Variants in USH2A observed in about 807,000 individuals in gnomAD.
The protein encoded by USH2A is usherin.
In USH2A, 443 loss-of-function variants were observed where a neutral mutation model predicts 538.9. The ratio of observed to expected loss-of-function variants is 0.82; its 90% CI spans 0.76 to 0.89. The LOEUF (loss-of-function observed/expected upper bound fraction) is 0.89. Among genes scored for constraint, USH2A ranks in the 40% least tolerant of loss-of-function variants. USH2A has a pLI of 0.00. For synonymous variants in USH2A, 2,413 were observed against 2,273.5 expected, an observed-to-expected ratio of 1.06 and a Z score of -1.75; for missense variants, 6,633 against 6,324.8, an observed-to-expected ratio of 1.05 and a Z score of -1.65.
chr1:216,198,237 A>G (rs1438679405), intron 18 of USH2A, 78 bp downstream of exon 18: 1 of 1,601,738 alleles, frequency 6.2e-7, no homozygotes, highest in Non-Finnish European at 8.5e-7. Flanking sequence ...ATGTACTTTC[A>G]CAGTACTTTG....
intron 61 of USH2A, among the ~76,000 whole-genome samples, chr1:215,715,774 G>T (rs1487095049): frequency 6.6e-6 from 1 of 152,130 alleles, no homozygotes; most frequent in Non-Finnish European, 1.5e-5. Context: ...TTAAAACAAT[G>T]TCCTTCATGT....
chr1:215,779,982 G>T lies in USH2A; in HGVS notation c.10800C>A (p.Ala3600=), dbSNP rs1354765742. 1.9e-6 allele frequency: 3 copies of T among 1,614,098 alleles called. No individual in the cohort carries two copies. In the South Asian group the frequency reaches 3.3e-5, roughly 18 times the overall value. Residue 3600 remains alanine (A), a synonymous_variant, in exon 55 of 72, where the codon GCC becomes GCA. Transcript: ENST00000307340. ...TCAGATGCAGAGCCACTGCACTTAG[G>T]GCTGTGATGCTTGGTGGCAGGATGC... ...PESILPPSIT[A]LSAVALHLSW... is the part of the protein sequence containing the mutation.
intron 16 of USH2A, among the ~76,000 whole-genome samples, chr1:216,204,596 G>A (rs1474355379): frequency 6.6e-6 from 1 of 152,078 alleles, no homozygotes; most frequent in Non-Finnish European, 1.5e-5. Flanking sequence ...AAACTTGCTT[G>A]GAAGACAACA....
At chr1:215,889,527 A>G (rs1665156104) in intron 40 of USH2A, among the ~76,000 whole-genome samples, 1 of 152,104 alleles carries the variant, frequency 6.6e-6, no homozygotes, top group African/African-American at 2.4e-5. Flanking sequence ...ATTCTATATT[A>G]TACTTGGTTC....
At chr1:215,658,693 C>T (rs1295119471) in intron 64 of USH2A, among the ~76,000 whole-genome samples, 1 of 152,190 alleles carries the variant, frequency 6.6e-6, no homozygotes, top group Non-Finnish European at 1.5e-5. Flanking sequence ...GAAACTATCA[C>T]AAACAACGTG....
intron 36 of USH2A, among the ~76,000 whole-genome samples, chr1:215,969,548 CTT>C (rs1203543611): frequency 1.3e-4 from 18 of 143,156 alleles, no homozygotes; most frequent in Non-Finnish European, 9.2e-5. Flanking sequence ...GTTTCTTTTT[CTT>C]TTTTTTTTTT....
chr1:216,212,654 G>T (rs988200953), intron 15 of USH2A, among the ~76,000 whole-genome samples: 2 of 146,570 alleles, frequency 1.4e-5, no homozygotes, highest in Admixed American at 1.4e-4. Context: ...CCCCGTCAGG[G>T]TTATTTTGAA....
chr1:216,201,034 T>G (rs2034986632), intron 16 of USH2A, among the ~76,000 whole-genome samples: 1 of 129,964 alleles, frequency 7.7e-6, no homozygotes, highest in African/African-American at 2.9e-5. Flanking sequence ...CCTTCCTTCC[T>G]TCCTTCCTTC....
chr1:216,009,533 C>T lies in USH2A; in HGVS notation c.6326-8971G>A, dbSNP rs554364591. On this transcript the variant is annotated intron_variant, in intron 32 of 71. Coordinates refer to ENST00000307340, the MANE Select transcript of USH2A (RefSeq NM_206933.4). Reference sequence around the variant, plus strand: ...CATTCTTTTACACATCGGTCCCTTCCTAGTCTCTGTGCCCAGTGCAACTCG... The same window carrying T: ...CATTCTTTTACACATCGGTCCCTTCTTAGTCTCTGTGCCCAGTGCAACTCG... Among the ~76,000 whole-genome samples the T allele has an allele frequency of 9.9e-5, 15 of 152,266 alleles. No homozygotes were observed. The South Asian group carries it at 3.1e-3, about 32-fold the overall frequency.
Position 215,782,340 on chromosome 1 carries a change from C to A in USH2A, c.10586-144G>T, listed in dbSNP as rs1453202726. On this transcript the variant is annotated intron_variant, in intron 53 of 71. Transcript: ENST00000307340. ...TTTCCTATTATATTGCTGTCTCAAG[C>A]AGTTCCTAATTATACTATTATGGAG... 9.1e-6 allele frequency: 8 copies of A among 878,418 alleles called. No individual in the cohort carries two copies. The East Asian group carries it at 2.1e-4, about 23-fold the overall frequency. 54.4% of individuals were successfully genotyped at this position (878,418 alleles called of 1,614,324 possible).
At chr1:216,110,663 G>A (rs908601138) in intron 21 of USH2A, among the ~76,000 whole-genome samples, 1 of 152,206 alleles carries the variant, frequency 6.6e-6, no homozygotes, top group Non-Finnish European at 1.5e-5. Flanking sequence ...AGAGGGATAT[G>A]TAATCTACAG....
intron 5 of USH2A, 70 bp downstream of exon 5, chr1:216,327,521 T>A: frequency 2.0e-6 from 3 of 1,531,066 alleles, no homozygotes; most frequent in Non-Finnish European, 1.8e-6. Flanking sequence ...ATCTACATAG[T>A]ATTCTTATTT....
intron 13 of USH2A, among the ~76,000 whole-genome samples, chr1:216,236,617 G>A (rs960637621): frequency 2.0e-5 from 3 of 152,094 alleles, no homozygotes; most frequent in Non-Finnish European, 2.9e-5. Flanking sequence ...CTTTAACACT[G>A]AAAAGGAAAA....
rs139036138 is a variant in USH2A at position 216,289,817 on chromosome 1, T to C, written c.1841-407A>G. ...TAAGAAGCAAGCAGGTATGTAGTAT[T>C]GGAAATATTTTTCTAGAACTCAATC... On this transcript the variant is annotated intron_variant, in intron 10 of 71. Transcript: ENST00000307340. Among the ~76,000 whole-genome samples, 26 of 152,306 alleles carry C rather than the reference T, an allele frequency of 1.7e-4. No individual in the cohort carries two copies. In the East Asian group the frequency reaches 3.9e-3, roughly 23 times the overall value.
intron 61 of USH2A, among the ~76,000 whole-genome samples, chr1:215,687,905 A>C (rs2102678781): frequency 6.6e-6 from 1 of 152,252 alleles, no homozygotes; most frequent in Middle Eastern, 3.4e-3. Flanking sequence ...AAGGGAGGCA[A>C]GGTCATTACC....
At chr1:215,711,469 CAT>C (rs1397315072) in intron 61 of USH2A, among the ~76,000 whole-genome samples, 3 of 152,090 alleles carry the variant, frequency 2.0e-5, no homozygotes, top group African/African-American at 7.2e-5. Context: ...TTGAAGAGAA[CAT>C]ATTTTAGGAA....
At chr1:216,210,057 C>T (rs550750557) in intron 15 of USH2A, among the ~76,000 whole-genome samples, 1 of 152,064 alleles carries the variant, frequency 6.6e-6, no homozygotes, top group Non-Finnish European at 1.5e-5. Flanking sequence ...GGAGTCCTGC[C>T]CCATGCCCTG....
At chr1:215,747,676 C>T (rs915632472) in intron 58 of USH2A, among the ~76,000 whole-genome samples, 4 of 152,116 alleles carry the variant, frequency 2.6e-5, no homozygotes, top group African/African-American at 7.2e-5. Flanking sequence ...AAGAAGGAAT[C>T]GGGGACCCTC....
chr1:216,265,760 C>T (rs770139668), intron 11 of USH2A, among the ~76,000 whole-genome samples: 9 of 151,904 alleles, frequency 5.9e-5, no homozygotes, highest in Non-Finnish European at 7.4e-5. Flanking sequence ...TTATGTTTAG[C>T]CCGGAAGACA....
Sources: allele counts gnomAD v4.1 joint callset (sites outside exome capture counted in the v4.1 genomes callset), GRCh38; gene constraint gnomAD v4.1.1; transcripts MANE v1.5; gene names NCBI Gene and HGNC (gene_info 2026-07-23, HGNC 2026-07-21).